The following HECW1 variants were observed in gnomAD, a reference collection of about 807,000 sequenced individuals.
The protein encoded by HECW1 is HECT, C2 and WW domain containing E3 ubiquitin protein ligase 1.
Under a neutral mutation model 182.3 loss-of-function variants are expected in HECW1, and 61 were observed. That is an observed-to-expected ratio of 0.33 (90% CI 0.27 to 0.41). HECW1 has a LOEUF of 0.41. HECW1 is among the 10% of genes least tolerant of loss of function. The pLI is 1.00. For synonymous variants in HECW1, 859 were observed against 832.6 expected, an observed-to-expected ratio of 1.03 and a Z score of -0.55; for missense variants, 1,739 against 2,108.9, an observed-to-expected ratio of 0.82 and a Z score of 3.44.
intron 24 of HECW1, among the ~76,000 whole-genome samples, chr7:43,538,667 T>G (rs1026394894): frequency 7.2e-5 from 11 of 152,208 alleles, no homozygotes; most frequent in African/African-American, 2.4e-4. Context: ...CTGGGGCTAA[T>G]TATTGACCCT....
chr7:43,407,960 C>T (rs2075667678), intron 8 of HECW1, among the ~76,000 whole-genome samples: 1 of 152,178 alleles, frequency 6.6e-6, no homozygotes, highest in Non-Finnish European at 1.5e-5. Flanking sequence ...ATGCAGTAGC[C>T]TCTTCTGATT....
chr7:43,287,898 A>C (rs1218173058), intron 3 of HECW1, among the ~76,000 whole-genome samples: 1 of 152,220 alleles, frequency 6.6e-6, no homozygotes, highest in African/African-American at 2.4e-5. Flanking sequence ...CTAGGTGTTC[A>C]GTCTGGTACC....
intron 5 of HECW1, among the ~76,000 whole-genome samples, chr7:43,328,770 C>A (rs1811109846): frequency 6.6e-6 from 1 of 152,300 alleles, no homozygotes; most frequent in Non-Finnish European, 1.5e-5. Context: ...GTGCCGGCTT[C>A]CAGTCAGATA....
At chr7:43,293,716 T>C (rs1805691443) in intron 3 of HECW1, among the ~76,000 whole-genome samples, 2 of 152,212 alleles carry the variant, frequency 1.3e-5, no homozygotes, top group Non-Finnish European at 2.9e-5. Flanking sequence ...TTTTGTTTTT[T>C]AAATTAGAAA....
intron 2 of HECW1, among the ~76,000 whole-genome samples, chr7:43,191,513 A>G (rs142059769): frequency 2.0e-5 from 3 of 152,324 alleles, no homozygotes; most frequent in Non-Finnish European, 2.9e-5. Context: ...ACTTGGGTCT[A>G]TCCATCCTTT....
chr7:43,424,588 A>G (rs1250761976), intron 8 of HECW1, among the ~76,000 whole-genome samples: 1 of 152,170 alleles, frequency 6.6e-6, no homozygotes, highest in Non-Finnish European at 1.5e-5. Context: ...ACACCACTGC[A>G]CTCCAGCCAG....
At chr7:43,151,154 C>T (rs1789277637) in intron 2 of HECW1, among the ~76,000 whole-genome samples, 1 of 152,154 alleles carries the variant, frequency 6.6e-6, no homozygotes, top group African/African-American at 2.4e-5. Flanking sequence ...GTGAGTGGAG[C>T]CAAGAGGCAG....
intron 17 of HECW1, among the ~76,000 whole-genome samples, chr7:43,488,370 GGAAGGAAGGAAGGAAGGAA>G (rs2078742104): frequency 9.1e-6 from 1 of 110,136 alleles, no homozygotes. Context: ...AAGGAAGGAA[GGAAGGAAGGAAGGAAGGAA>G]GGAAGGAAGG....
chr7:43,115,299 CTTT>C (rs34686016), intron 2 of HECW1, among the ~76,000 whole-genome samples: 4 of 138,184 alleles, frequency 2.9e-5, no homozygotes, highest in Non-Finnish European at 3.1e-5. Flanking sequence ...TCAAACAGGT[CTTT>C]TTTTTTTTTT....
At chr7:43,178,617 G>A (rs930687775) in intron 2 of HECW1, among the ~76,000 whole-genome samples, 8 of 152,184 alleles carry the variant, frequency 5.3e-5, no homozygotes, top group Admixed American at 3.3e-4. Flanking sequence ...TGTGCAGAGC[G>A]CTGCCTCCTC....
intron 3 of HECW1, among the ~76,000 whole-genome samples, chr7:43,298,485 C>T (rs752476581): frequency 5.6e-4 from 85 of 152,194 alleles, no homozygotes; most frequent in Non-Finnish European, 1.6e-4. Flanking sequence ...TAGTCATATG[C>T]CAGCCTCCGA....
intron 8 of HECW1, among the ~76,000 whole-genome samples, chr7:43,426,216 T>G (rs903190970): frequency 1.1e-4 from 16 of 152,194 alleles, no homozygotes; most frequent in Non-Finnish European, 2.2e-4. Flanking sequence ...TGTTTATATA[T>G]AGATACACTT....
intron 17 of HECW1, among the ~76,000 whole-genome samples, chr7:43,487,964 A>AAG (rs142459103): frequency 0.18 from 25,759 of 147,180 alleles, 2,565 homozygotes; most frequent in South Asian, 0.23. Flanking sequence ...AAAAAAAAGG[A>AAG]AGAGAGAGAG....
At chr7:43,147,141 C>A (rs942820550) in intron 2 of HECW1, among the ~76,000 whole-genome samples, 2 of 152,122 alleles carry the variant, frequency 1.3e-5, no homozygotes, top group Non-Finnish European at 2.9e-5. Context: ...GCTTTCAAAG[C>A]CAGAGCTAAA....
intron 5 of HECW1, among the ~76,000 whole-genome samples, chr7:43,344,408 T>C (rs186613447): frequency 6.7e-6 from 1 of 149,088 alleles, no homozygotes; most frequent in East Asian, 1.9e-4. Flanking sequence ...CATTCCCTTG[T>C]CTTCCATTGT....
chr7:43,161,441 A>G (rs574276829), intron 2 of HECW1, among the ~76,000 whole-genome samples: 168 of 152,312 alleles, frequency 1.1e-3, no homozygotes, highest in Non-Finnish European at 2.1e-3. Flanking sequence ...TCCCTTGTGT[A>G]ATTACAGTGC....
At chr7:43,327,295 A>G (rs952607027) in intron 5 of HECW1, among the ~76,000 whole-genome samples, 7 of 152,136 alleles carry the variant, frequency 4.6e-5, no homozygotes, top group African/African-American at 1.7e-4. Context: ...GCGTATTTAT[A>G]TTATTGTGCC....
intron 2 of HECW1, among the ~76,000 whole-genome samples, chr7:43,119,792 T>A (rs1311734009): frequency 6.6e-6 from 1 of 152,182 alleles, no homozygotes; most frequent in Admixed American, 6.5e-5. Flanking sequence ...TCCCTCTGAC[T>A]TTTTTCTCAC....
chr7:43,466,468 T>A lies in HECW1; in HGVS notation c.2813T>A (p.Leu938His). The change falls in exon 15 of 30, where the codon CTT becomes CAT. Residue 938 changes from leucine to histidine, a missense_variant. Transcript: ENST00000395891. ...TCAGATCTAAGGAGAGAAGGGTCAC[T>A]TTCTCCAGTGAACTCACAAAAAATC... ...SSLDLRREGS[L>H]SPVNSQKITL... 6.2e-7 allele frequency: 1 copy of A among 1,613,780 alleles called. No individual in the cohort carries two copies. The highest frequency in any genetic ancestry group is 8.5e-7 in the Non-Finnish European group (1 of 1,179,760).
Sources: gnomAD v4.1 joint callset for allele counts (sites outside exome capture counted in the v4.1 genomes callset) on GRCh38, gnomAD v4.1.1 for gene constraint, MANE v1.5 for transcripts, NCBI Gene and HGNC (gene_info 2026-07-23, HGNC 2026-07-21) for gene names.